RANBP2: variants seen among roughly 807,000 people sequenced by gnomAD.
RANBP2 encodes E3 SUMO-protein ligase RanBP2.
In RANBP2, 57 loss-of-function variants were observed where a neutral mutation model predicts 303.6. The ratio of observed to expected loss-of-function variants is 0.19; its 90% CI spans 0.15 to 0.23. The LOEUF is 0.23. Among genes scored for constraint, RANBP2 ranks in the 10% least tolerant of loss-of-function variants. The probability of loss-of-function intolerance (pLI) is 1.00; values close to 1 mark genes in which losing one functional copy is unlikely to be tolerated. For missense variants in RANBP2, 3,138 were observed against 3,780.8 expected (o/e 0.83, Z 4.46); for synonymous variants, 1,167 against 1,301.5 (o/e 0.90, Z 2.23).
At chr2:109,013,015 G>C in the RANBP2 span, among the ~76,000 whole-genome samples, 1 of 152,230 alleles carries the variant, frequency 6.6e-6, no homozygotes, top group Non-Finnish European at 1.5e-5. Context: ...AAAGGGCCGA[G>C]TAGGGCGAAA....
At chr2:109,294,417 C>T in the RANBP2 span, among the ~76,000 whole-genome samples, 7,062 of 151,812 alleles carry the variant, frequency 0.047, 545 homozygotes, top group African/African-American at 0.16. Flanking sequence ...AAAAATTAGC[C>T]GGGCATGGTG....
At chr2:109,015,561 C>G in the RANBP2 span, among the ~76,000 whole-genome samples, 12 of 152,058 alleles carry the variant, frequency 7.9e-5, no homozygotes, top group African/African-American at 2.9e-4. Context: ...AGTTCGAGAC[C>G]AGCCTGGCCA....
chr2:108,960,651 A>T, the RANBP2 span, among the ~76,000 whole-genome samples: 1 of 152,230 alleles, frequency 6.6e-6, no homozygotes, highest in Non-Finnish European at 1.5e-5. Flanking sequence ...ATTGTAAAGA[A>T]GTTTTCAAAC....
the RANBP2 span, among the ~76,000 whole-genome samples, chr2:109,356,040 C>T: frequency 2.0e-5 from 3 of 152,196 alleles, no homozygotes; most frequent in African/African-American, 4.8e-5. Context: ...TAACATGCTA[C>T]AGTGAATGTT....
the RANBP2 span, among the ~76,000 whole-genome samples, chr2:109,148,686 G>A: frequency 6.6e-6 from 1 of 152,216 alleles, no homozygotes; most frequent in Admixed American, 6.5e-5. Flanking sequence ...ATGCTGAAAA[G>A]TGCATTCATG....
At chr2:109,251,223 G>A in the RANBP2 span, among the ~76,000 whole-genome samples, 1 of 151,986 alleles carries the variant, frequency 6.6e-6, no homozygotes, top group East Asian at 1.9e-4. Flanking sequence ...GGCTGGTCTC[G>A]AACTCCTTAC....
chr2:109,702,671 A>G, the RANBP2 span, among the ~76,000 whole-genome samples: 5 of 152,192 alleles, frequency 3.3e-5, no homozygotes, highest in Non-Finnish European at 7.3e-5. Flanking sequence ...AGCTTTCTGT[A>G]CTTCCTGTCC....
chr2:109,531,434 G>A, the RANBP2 span, among the ~76,000 whole-genome samples: 1 of 152,118 alleles, frequency 6.6e-6, no homozygotes, highest in Non-Finnish European at 1.5e-5. Flanking sequence ...GGAAGGACAG[G>A]GCTGACCCAC....
chr2:109,204,609 G>A, the RANBP2 span, among the ~76,000 whole-genome samples: 5 of 152,286 alleles, frequency 3.3e-5, no homozygotes, highest in African/African-American at 7.2e-5. Context: ...TGCCGGCAGC[G>A]CCACCTACTC....
chr2:109,427,395 C>T, the RANBP2 span, among the ~76,000 whole-genome samples: 1 of 152,236 alleles, frequency 6.6e-6, no homozygotes, highest in African/African-American at 2.4e-5. Context: ...ATTCGGGTGA[C>T]AGTTTATTGC....
the RANBP2 span, among the ~76,000 whole-genome samples, chr2:109,174,558 A>G: frequency 4.7e-4 from 71 of 152,098 alleles, no homozygotes; most frequent in African/African-American, 1.7e-3. Context: ...ACAACAACCC[A>G]TGGTGTCTGG....
chr2:109,589,076 G>A, the RANBP2 span, among the ~76,000 whole-genome samples: 3 of 151,076 alleles, frequency 2.0e-5, no homozygotes, highest in Non-Finnish European at 3.0e-5. Context: ...GATTATAGGC[G>A]CCACCACGCC....
At chr2:109,002,410 T>G in the RANBP2 span, among the ~76,000 whole-genome samples, 1 of 152,212 alleles carries the variant, frequency 6.6e-6, no homozygotes, top group Non-Finnish European at 1.5e-5. Flanking sequence ...CTGCTTTGGC[T>G]TCTCCCAATG....
chr2:109,442,809 C>A, the RANBP2 span, among the ~76,000 whole-genome samples: 1 of 152,026 alleles, frequency 6.6e-6, no homozygotes, highest in Non-Finnish European at 1.5e-5. Context: ...ATACATGGGT[C>A]AAAGAGAAAA....
At chr2:108,779,131 C>T (rs1227910649) in intron 25 of RANBP2, among the ~76,000 whole-genome samples, 1 of 151,664 alleles carries the variant, frequency 6.6e-6, no homozygotes, top group Admixed American at 6.6e-5. Context: ...GTTCTCAGAT[C>T]ATTCCTTTGC....
chr2:109,074,806 A>G, the RANBP2 span, among the ~76,000 whole-genome samples: 2 of 149,250 alleles, frequency 1.3e-5, no homozygotes, highest in African/African-American at 4.9e-5. Context: ...GAGGATCACG[A>G]GGTCAGGAGT....
At chr2:109,656,088 C>A in the RANBP2 span, among the ~76,000 whole-genome samples, 3 of 152,172 alleles carry the variant, frequency 2.0e-5, no homozygotes, top group Admixed American at 1.3e-4. Context: ...CTCTTCCCTG[C>A]CTCAGCAGGA....
At chr2:109,110,282 G>T in the RANBP2 span, among the ~76,000 whole-genome samples, 77 of 152,322 alleles carry the variant, frequency 5.1e-4, 1 homozygote, top group Admixed American at 5.0e-3. Context: ...CTATGAGTGG[G>T]TGAGACTGCT....
chr2:109,407,864 G>A, the RANBP2 span, among the ~76,000 whole-genome samples: 11 of 152,296 alleles, frequency 7.2e-5, no homozygotes, highest in South Asian at 1.4e-3. Context: ...AGAGGACACC[G>A]TGGCTGCCTG....
Sources: gnomAD v4.1 joint callset for allele counts (sites outside exome capture counted in the v4.1 genomes callset) on GRCh38, gnomAD v4.1.1 for gene constraint, MANE v1.5 for transcripts, NCBI Gene and HGNC (gene_info 2026-07-23, HGNC 2026-07-21) for gene names.